TULP4: variants seen among roughly 807,000 people sequenced by gnomAD.
The protein encoded by TULP4 is TUB like protein 4.
TULP4 carries 16 observed loss-of-function variants against 129.0 expected under a neutral mutation model. The observed-to-expected ratio is 0.12, with a 90% CI of 0.08 to 0.19. TULP4 has a LOEUF of 0.19. TULP4 is among the 10% of genes least tolerant of loss of function. TULP4 has a pLI of 1.00. For synonymous variants in TULP4, 998 were observed against 854.0 expected (o/e 1.17, Z -2.94); for missense variants, 1,842 against 2,059.1 (o/e 0.89, Z 2.04).
intron 1 of TULP4, among the ~76,000 whole-genome samples, chr6:158,287,100 G>A (rs1352706902): frequency 6.6e-6 from 1 of 152,184 alleles, no homozygotes; most frequent in Non-Finnish European, 1.5e-5. Context: ...AGATAAACCA[G>A]GTAGTAAATC....
chr6:158,341,519 G>A (rs558956764), intron 1 of TULP4, among the ~76,000 whole-genome samples: 27 of 152,234 alleles, frequency 1.8e-4, no homozygotes, highest in African/African-American at 6.0e-4. Flanking sequence ...CATACTAAAC[G>A]TTCCGTCCAA....
At chr6:158,427,296 A>G (rs12195357) in intron 2 of TULP4, among the ~76,000 whole-genome samples, 147 of 152,190 alleles carry the variant, frequency 9.7e-4, no homozygotes, top group Non-Finnish European at 1.5e-3. Flanking sequence ...AAAGCAGATC[A>G]CTGTTTGCCT....
chr6:158,293,329 T>C (rs1562508401), intron 1 of TULP4, among the ~76,000 whole-genome samples: 1 of 152,080 alleles, frequency 6.6e-6, no homozygotes, highest in Non-Finnish European at 1.5e-5. Context: ...TGACCTGGGG[T>C]TCACACACAG....
chr6:158,462,747 C>CTTTTTTTTTTTTTTTTTT (rs56829575), intron 6 of TULP4, among the ~76,000 whole-genome samples: 1 of 127,854 alleles, frequency 7.8e-6, no homozygotes, highest in East Asian at 2.3e-4. Context: ...TTTTTTTTTC[C>CTTTTTTTTTTTTTTTTTT]TTTTTTTTTT....
intron 1 of TULP4, among the ~76,000 whole-genome samples, chr6:158,254,520 T>C (rs1183139177): frequency 6.6e-6 from 1 of 152,202 alleles, no homozygotes; most frequent in Non-Finnish European, 1.5e-5. Flanking sequence ...AGTGTTGGCC[T>C]TTTCTCCAAG....
intron 12 of TULP4, among the ~76,000 whole-genome samples, chr6:158,500,808 G>A (rs1191852017): frequency 6.6e-6 from 1 of 152,258 alleles, no homozygotes; most frequent in Non-Finnish European, 1.5e-5. Flanking sequence ...GCTCACACCT[G>A]TAATCCCAGC....
intron 1 of TULP4, among the ~76,000 whole-genome samples, chr6:158,359,769 C>T (rs1780726208): frequency 6.6e-6 from 1 of 152,158 alleles, no homozygotes. Flanking sequence ...TTAACCATCA[C>T]ACAACTGAAG....
chr6:158,468,189 G>C (rs1457168942), intron 6 of TULP4, among the ~76,000 whole-genome samples: 2 of 152,206 alleles, frequency 1.3e-5, no homozygotes, highest in Admixed American at 6.5e-5. Context: ...AATTGACATT[G>C]TGGACTTCCC....
intron 5 of TULP4, among the ~76,000 whole-genome samples, chr6:158,458,066 A>G (rs931579308): frequency 6.6e-6 from 1 of 152,160 alleles, no homozygotes; most frequent in Admixed American, 6.5e-5. Context: ...AAAGAGGTGA[A>G]TCATGCACAT....
intron 1 of TULP4, among the ~76,000 whole-genome samples, chr6:158,372,123 GT>G (rs757335426): frequency 0.059 from 1,706 of 28,814 alleles, 17 homozygotes; most frequent in Non-Finnish European, 0.093. Flanking sequence ...CCATTTTCTA[GT>G]TTTTTTTTTT....
At chr6:158,269,974 T>A (rs1778517480) in intron 1 of TULP4, among the ~76,000 whole-genome samples, 1 of 152,320 alleles carries the variant, frequency 6.6e-6, no homozygotes, top group African/African-American at 2.4e-5. Context: ...TGCTTCTAGA[T>A]CTAGGAAAAA....
intron 1 of TULP4, among the ~76,000 whole-genome samples, chr6:158,395,082 C>G (rs1171174810): frequency 6.6e-6 from 1 of 152,268 alleles, no homozygotes; most frequent in East Asian, 1.9e-4. Flanking sequence ...ATCCAGTCAC[C>G]TCCCACCAGG....
chr6:158,486,297 T>TA (rs890484722), intron 8 of TULP4, among the ~76,000 whole-genome samples: 1 of 152,200 alleles, frequency 6.6e-6, no homozygotes, highest in African/African-American at 2.4e-5. Context: ...AAGGACTAAC[T>TA]AACGCCTGTG....
At chr6:158,365,185 A>AGG in intron 1 of TULP4, among the ~76,000 whole-genome samples, 1 of 151,930 alleles carries the variant, frequency 6.6e-6, no homozygotes, top group South Asian at 2.1e-4. Flanking sequence ...AAATCCTACT[A>AGG]GATGTGTTTC....
At chr6:158,330,489 C>T (rs941543908) in intron 1 of TULP4, among the ~76,000 whole-genome samples, 5 of 152,344 alleles carry the variant, frequency 3.3e-5, no homozygotes, top group African/African-American at 1.2e-4. Context: ...TACACTCTCT[C>T]TCTTTCTCTC....
At chr6:158,376,416 C>A (rs967772664) in intron 1 of TULP4, among the ~76,000 whole-genome samples, 1 of 152,218 alleles carries the variant, frequency 6.6e-6, no homozygotes, top group Non-Finnish European at 1.5e-5. Context: ...TCCACGTGGC[C>A]TCTTCCGCAT....
intron 1 of TULP4, among the ~76,000 whole-genome samples, chr6:158,259,154 C>T (rs1406929950): frequency 1.3e-5 from 2 of 152,180 alleles, no homozygotes; most frequent in Non-Finnish European, 2.9e-5. Flanking sequence ...CGCTTGAACC[C>T]GGGAGGTAGA....
rs201002933 is a variant in TULP4, at chr6:158,395,855, A to G, written c.253-17210A>G. Among the ~76,000 whole-genome samples the G allele has an allele frequency of 6.6e-5, 10 of 151,230 alleles. No homozygotes were observed. In the East Asian group the frequency reaches 1.6e-3, roughly 24 times the overall value. ...TTGCCTCAAAGTTTAGAAGTCTGTC[A>G]TTTTTCAAAGATGTACTACAATTCT... On this transcript the variant is annotated intron_variant, in intron 1 of 13. Coordinates refer to ENST00000367097, the MANE Select transcript of TULP4 (RefSeq NM_020245.5).
intron 1 of TULP4, among the ~76,000 whole-genome samples, chr6:158,294,043 G>T (rs1333776111): frequency 6.6e-6 from 1 of 152,154 alleles, no homozygotes; most frequent in African/African-American, 2.4e-5. Context: ...GGAAAATTCT[G>T]AAAGGAAAGG....
Sources: allele counts gnomAD v4.1 joint callset (sites outside exome capture counted in the v4.1 genomes callset), GRCh38; gene constraint gnomAD v4.1.1; transcripts MANE v1.5; gene names NCBI Gene and HGNC (gene_info 2026-07-23, HGNC 2026-07-21).